The following SLIT3 variants were observed in gnomAD, a reference collection of about 807,000 sequenced individuals.
SLIT3 encodes slit guidance ligand 3.
A neutral mutation model predicts 184.0 loss-of-function variants in SLIT3; 68 were observed. The ratio of observed to expected loss-of-function variants is 0.37; its 90% CI spans 0.30 to 0.45. The LOEUF is 0.45. Ranked by LOEUF, SLIT3 falls within the 20% of genes least tolerant of loss-of-function variation. SLIT3 has a pLI of 1.00. For missense variants in SLIT3, 1,707 were observed against 2,026.0 expected (o/e 0.84, Z 3.02); for synonymous variants, 831 against 828.6 (o/e 1.00, Z -0.05).
intron 4 of SLIT3, among the ~76,000 whole-genome samples, chr5:168,994,941 C>T (rs1035501088): frequency 6.6e-6 from 1 of 151,990 alleles, no homozygotes; most frequent in African/African-American, 2.4e-5. Flanking sequence ...TGCGCCCAGC[C>T]CTGGCATTCT....
chr5:168,781,366 G>T (rs1463614342), intron 12 of SLIT3, among the ~76,000 whole-genome samples: 6 of 152,162 alleles, frequency 3.9e-5, no homozygotes, highest in South Asian at 4.1e-4. Flanking sequence ...TTGCCACATG[G>T]TTACCAATCA....
rs766030870 is a variant in SLIT3 at position 168,696,404 on chromosome 5, C to A, written c.2970G>T (p.Gly990=). ...CATCTGGGTTGATCTCACACCGCTGCCCCTCAAAGCCCAGAGGGCAGGAGC... is the reference window on the plus strand; with the variant it reads ...CATCTGGGTTGATCTCACACCGCTGACCCTCAAAGCCCAGAGGGCAGGAGC... ...FSCSCPLGFE[G]QRCEINPDDC... The change falls in exon 28 of 36, where the codon GGG becomes GGT. Residue 990 remains glycine, a synonymous_variant. Transcript: ENST00000519560. 3.1e-6 allele frequency: 5 copies of A among 1,614,108 alleles called. No individual in the cohort carries two copies. In the South Asian group the frequency reaches 5.5e-5, roughly 18 times the overall value.
At chr5:168,985,802 A>G (rs1199835997) in intron 4 of SLIT3, among the ~76,000 whole-genome samples, 1 of 152,150 alleles carries the variant, frequency 6.6e-6, no homozygotes, top group Non-Finnish European at 1.5e-5. Context: ...AATGGAGCCA[A>G]TGCAGAAAAA....
chr5:168,943,109 C>A (rs568086084), intron 4 of SLIT3, among the ~76,000 whole-genome samples: 2 of 152,326 alleles, frequency 1.3e-5, no homozygotes, highest in Non-Finnish European at 2.9e-5. Context: ...CATCTTTCCA[C>A]TGACACCAAT....
chr5:169,163,904 C>T (rs951732351), intron 4 of SLIT3, among the ~76,000 whole-genome samples: 2 of 152,110 alleles, frequency 1.3e-5, no homozygotes, highest in African/African-American at 4.8e-5. Flanking sequence ...CCATTCGTTC[C>T]TTTGGGCCTG....
In SLIT3 at chr5:168,722,860, G is replaced by C. The variant is rs557300954; in HGVS notation, c.2411+73C>G. ...TAGGGCAGAGAAACTAGTCCTGCTG[G>C]GAGGGAGGGAAAGAGTAACCATCTA... On this transcript the variant is annotated intron_variant, in intron 22 of 35. Coordinates refer to ENST00000519560, the MANE Select transcript of SLIT3 (RefSeq NM_003062.4). 132 of 1,153,496 alleles carry C rather than the reference G, an allele frequency of 1.1e-4. No homozygotes were observed. In the South Asian group the frequency reaches 1.6e-3, roughly 14 times the overall value. The allele number at this position is 1,153,496 out of a possible 1,614,324, so 71.5% of individuals were successfully genotyped here. A position where few individuals can be genotyped will look rare whatever the true frequency, so the allele number is the denominator to read the frequency against.
At chr5:169,080,250 G>A (rs1029934372) in intron 4 of SLIT3, among the ~76,000 whole-genome samples, 2 of 152,200 alleles carry the variant, frequency 1.3e-5, no homozygotes, top group African/African-American at 4.8e-5. Context: ...TAGTCAAAAA[G>A]AGGCCTCAGA....
intron 4 of SLIT3, among the ~76,000 whole-genome samples, chr5:168,905,728 C>T (rs550277579): frequency 6.6e-6 from 1 of 152,176 alleles, no homozygotes; most frequent in East Asian, 1.9e-4. Flanking sequence ...TCCAGAAACT[C>T]GTATACCCCT....
chr5:168,764,598 C>T (rs1755270523), intron 14 of SLIT3, among the ~76,000 whole-genome samples: 2 of 152,174 alleles, frequency 1.3e-5, no homozygotes, highest in Non-Finnish European at 2.9e-5. Flanking sequence ...TGCATGCCTT[C>T]TGTGATTTCC....
intron 12 of SLIT3, among the ~76,000 whole-genome samples, chr5:168,783,094 G>A (rs1470598342): frequency 2.6e-5 from 4 of 152,186 alleles, no homozygotes; most frequent in African/African-American, 9.7e-5. Context: ...GCGTGCATGA[G>A]AGGGATTCTT....
intron 3 of SLIT3, among the ~76,000 whole-genome samples, chr5:169,194,260 A>AAAG (rs749544522): frequency 1.4e-4 from 20 of 141,628 alleles, no homozygotes; most frequent in South Asian, 2.2e-4. Flanking sequence ...AAAAAAAAAA[A>AAAG]AAGAAGAAAA....
chr5:168,956,912 C>T (rs557778321), intron 4 of SLIT3, among the ~76,000 whole-genome samples: 1 of 150,624 alleles, frequency 6.6e-6, no homozygotes, highest in South Asian at 2.1e-4. Context: ...CACCTCAAGG[C>T]ATTATTAATC....
At chr5:168,728,700 C>T (rs949740046) in intron 20 of SLIT3, among the ~76,000 whole-genome samples, 2 of 152,038 alleles carry the variant, frequency 1.3e-5, no homozygotes, top group Non-Finnish European at 2.9e-5. Context: ...GGGAGGACTG[C>T]TTGAGCCCAG....
At chr5:169,275,518 C>A (rs547823937) in intron 1 of SLIT3, among the ~76,000 whole-genome samples, 137 of 152,236 alleles carry the variant, frequency 9.0e-4, no homozygotes, top group African/African-American at 3.1e-3. Flanking sequence ...TTTTACGCCG[C>A]TGATAAAGAC....
rs977917861 is a variant in SLIT3, at chr5:169,105,209, G to A, written c.413+88270C>T. On this transcript the variant is annotated intron_variant, in intron 4 of 35. Transcript: ENST00000519560. ...ATTTTTTCCATGCGTCACAAATACT[G>A]TTTAATGTGGGTGGGGGACGGCTTC... 3.9e-5 allele frequency among the ~76,000 whole-genome samples: 6 copies of A among 152,216 alleles called. No individual in the cohort carries two copies. The South Asian group carries it at 1.2e-3, about 32-fold the overall frequency.
At chr5:168,745,727 A>G (rs1381032867) in intron 20 of SLIT3, among the ~76,000 whole-genome samples, 1 of 152,194 alleles carries the variant, frequency 6.6e-6, no homozygotes, top group African/African-American at 2.4e-5. Flanking sequence ...TCCAATTTTA[A>G]AAGAACTTCT....
chr5:168,858,551 T>G (rs1216398805), intron 5 of SLIT3, among the ~76,000 whole-genome samples: 2 of 152,244 alleles, frequency 1.3e-5, no homozygotes, highest in Non-Finnish European at 2.9e-5. Context: ...ACTTACATAG[T>G]GCCCTGGACT....
At chr5:169,254,315 A>G (rs1765875803) in intron 1 of SLIT3, among the ~76,000 whole-genome samples, 1 of 152,032 alleles carries the variant, frequency 6.6e-6, no homozygotes, top group African/African-American at 2.4e-5. Context: ...GCTCCTCCAG[A>G]CCTTTATGAC....
chr5:168,685,975 G>C, intron 30 of SLIT3, 48 bp from the exon 31 acceptor site: 1 of 1,556,314 alleles, frequency 6.4e-7, no homozygotes, highest in South Asian at 1.2e-5. Flanking sequence ...ATGGCCAAGA[G>C]GAGACAATCA....
Sources: gnomAD v4.1 joint callset for allele counts (sites outside exome capture counted in the v4.1 genomes callset) on GRCh38, gnomAD v4.1.1 for gene constraint, MANE v1.5 for transcripts, NCBI Gene and HGNC (gene_info 2026-07-23, HGNC 2026-07-21) for gene names.